The following ARHGAP42 variants were observed in gnomAD, a reference collection of about 807,000 sequenced individuals.
ARHGAP42 encodes the protein rho GTPase-activating protein 42.
ARHGAP42 carries 63 observed loss-of-function variants against 125.0 expected under a neutral mutation model. That is an observed-to-expected ratio of 0.50 (90% CI 0.41 to 0.62). ARHGAP42 has a LOEUF of 0.62. ARHGAP42 is among the 20% of genes least tolerant of loss of function. The pLI is 0.00. For synonymous variants in ARHGAP42, 339 were observed against 351.0 expected (o/e 0.97, Z 0.38); for missense variants, 766 against 1,024.2 (o/e 0.75, Z 3.44).
At chr11:100,972,334 C>T (rs970308213) in intron 17 of ARHGAP42, among the ~76,000 whole-genome samples, 2 of 152,108 alleles carry the variant, frequency 1.3e-5, no homozygotes, top group Non-Finnish European at 2.9e-5. Flanking sequence ...TATCTAATTT[C>T]CAGAATAGAT....
intron 10 of ARHGAP42, among the ~76,000 whole-genome samples, chr11:100,944,308 C>T (rs73580131): frequency 0.015 from 2,303 of 152,102 alleles, 59 homozygotes; most frequent in African/African-American, 0.052. Flanking sequence ...CAGGATGCCT[C>T]CTGTGTGCAA....
chr11:100,952,235 C>A (rs1233980409), intron 12 of ARHGAP42, among the ~76,000 whole-genome samples: 1 of 151,480 alleles, frequency 6.6e-6, no homozygotes, highest in Non-Finnish European at 1.5e-5. Flanking sequence ...TGACAGAATT[C>A]TCCCATTTGT....
chr11:100,850,434 A>G (rs1027604630), intron 3 of ARHGAP42, among the ~76,000 whole-genome samples: 32 of 152,284 alleles, frequency 2.1e-4, no homozygotes, highest in Middle Eastern at 3.4e-3. Flanking sequence ...CACAACAGCT[A>G]TGACATCACT....
At position 100,848,056 on chromosome 11, in the gene ARHGAP42, G is replaced by A. The variant is rs2135122832; in HGVS notation, c.313-11498G>A. 2.0e-5 allele frequency among the ~76,000 whole-genome samples: 3 copies of A among 152,270 alleles called. 1 individual carries two copies. The highest frequency in any genetic ancestry group is 3.4e-3 in the Middle Eastern group (1 of 294). On this transcript the variant is annotated intron_variant, in intron 3 of 23. Transcript: ENST00000298815. ...TCTTGAAAGGTCACCTGAGTCAAAAGGCTGTTAAGATAACACCTAGGTGCT... is the reference window on the plus strand; with the variant it reads ...TCTTGAAAGGTCACCTGAGTCAAAAAGCTGTTAAGATAACACCTAGGTGCT...
intron 5 of ARHGAP42, among the ~76,000 whole-genome samples, chr11:100,914,663 G>C (rs115621090): frequency 0.014 from 2,120 of 152,202 alleles, 53 homozygotes; most frequent in African/African-American, 0.048. Context: ...ATCGGGAACC[G>C]TGAGGTCTCC....
At chr11:100,853,103 T>C (rs1865243432) in intron 3 of ARHGAP42, among the ~76,000 whole-genome samples, 1 of 152,192 alleles carries the variant, frequency 6.6e-6, no homozygotes, top group Non-Finnish European at 1.5e-5. Context: ...TAAAATTGCT[T>C]TCTTAAATGC....
chr11:100,950,065 C>G, intron 12 of ARHGAP42, 109 bp downstream of exon 12: 1 of 527,326 alleles, frequency 1.9e-6, no homozygotes, highest in Non-Finnish European at 3.1e-6. Flanking sequence ...CCATTGATCT[C>G]ATGGTACAGC....
At chr11:100,985,568 T>G (rs765596387) in intron 22 of ARHGAP42, among the ~76,000 whole-genome samples, 6 of 152,240 alleles carry the variant, frequency 3.9e-5, no homozygotes, top group Non-Finnish European at 8.8e-5. Context: ...CCCACGTGCA[T>G]GTGTTCATGT....
chr11:100,845,467 C>T (rs1865044153), intron 3 of ARHGAP42, among the ~76,000 whole-genome samples: 1 of 151,846 alleles, frequency 6.6e-6, no homozygotes, highest in Admixed American at 6.6e-5. Flanking sequence ...ACTAATGTAA[C>T]CAAATGCCAC....
intron 1 of ARHGAP42, among the ~76,000 whole-genome samples, chr11:100,726,172 T>G (rs948246657): frequency 6.6e-6 from 1 of 151,940 alleles, no homozygotes; most frequent in Non-Finnish European, 1.5e-5. Context: ...TATATTACAT[T>G]AAAGTGATGT....
intron 4 of ARHGAP42, among the ~76,000 whole-genome samples, chr11:100,877,069 T>C (rs530020610): frequency 6.6e-6 from 1 of 152,212 alleles, no homozygotes; most frequent in Non-Finnish European, 1.5e-5. Flanking sequence ...TGTGGTTAAC[T>C]GGTCCCAGCT....
chr11:100,804,885 T>C (rs1288784389), intron 3 of ARHGAP42, among the ~76,000 whole-genome samples: 1 of 152,208 alleles, frequency 6.6e-6, no homozygotes, highest in Non-Finnish European at 1.5e-5. Context: ...CCTCAAAAGA[T>C]GTGAAGAATC....
chr11:100,941,324 G>A (rs1190796358), intron 8 of ARHGAP42, among the ~76,000 whole-genome samples: 5 of 152,122 alleles, frequency 3.3e-5, no homozygotes, highest in African/African-American at 9.7e-5. Context: ...GATTTTTATC[G>A]GGGGTAAGAT....
At chr11:100,925,704 C>T (rs887446446) in intron 6 of ARHGAP42, among the ~76,000 whole-genome samples, 5 of 152,124 alleles carry the variant, frequency 3.3e-5, no homozygotes, top group African/African-American at 1.2e-4. Context: ...TGGCACTGCT[C>T]TCCGGCCTAG....
At chr11:100,947,330 G>A (rs1210873625) in intron 10 of ARHGAP42, among the ~76,000 whole-genome samples, 2 of 151,732 alleles carry the variant, frequency 1.3e-5, no homozygotes, top group African/African-American at 4.8e-5. Flanking sequence ...CTATTTATTA[G>A]TTTTAATAGT....
chr11:100,866,572 G>A (rs547736675), intron 4 of ARHGAP42, among the ~76,000 whole-genome samples: 2 of 152,204 alleles, frequency 1.3e-5, no homozygotes, highest in East Asian at 1.9e-4. Flanking sequence ...TGGTTGTGGA[G>A]GCCTCAGGAA....
intron 6 of ARHGAP42, among the ~76,000 whole-genome samples, chr11:100,925,646 G>A (rs944154567): frequency 1.3e-5 from 2 of 152,162 alleles, no homozygotes; most frequent in African/African-American, 4.8e-5. Flanking sequence ...GCTGAGGCAC[G>A]AGAATCACTT....
At chr11:100,818,241 C>G (rs1207319558) in intron 3 of ARHGAP42, among the ~76,000 whole-genome samples, 1 of 152,182 alleles carries the variant, frequency 6.6e-6, no homozygotes, top group Admixed American at 6.6e-5. Context: ...CAATCATCCA[C>G]TGACCCATTA....
At position 100,933,273 on chromosome 11, in the gene ARHGAP42, C is replaced by T; in HGVS notation, c.702+13C>T. The T allele has an allele frequency of 6.7e-7, 1 of 1,492,546 alleles. No homozygotes were observed. Among genetic ancestry groups the T allele is most frequent in the South Asian group, 1.3e-5 (1 of 78,344 alleles). 92.5% of individuals were successfully genotyped at this position (1,492,546 alleles called of 1,614,324 possible). On this transcript the variant is annotated intron_variant, in intron 7 of 23. Transcript: ENST00000298815. ...CAACTTGCAGAATGTAAGAGTATAC[C>T]TGTTCTTACTGTCTCTCAGCAAATC...
Sources: gnomAD v4.1 joint callset for allele counts (sites outside exome capture counted in the v4.1 genomes callset) on GRCh38, gnomAD v4.1.1 for gene constraint, MANE v1.5 for transcripts, NCBI Gene and HGNC (gene_info 2026-07-23, HGNC 2026-07-21) for gene names.